Variants in USH2A observed in about 807,000 individuals in gnomAD.
The protein encoded by USH2A is usherin.
A neutral mutation model predicts 538.9 loss-of-function variants in USH2A; 443 were observed. The ratio of observed to expected loss-of-function variants is 0.82; its 90% CI spans 0.76 to 0.89. The LOEUF is 0.89. USH2A is among the 40% of genes least tolerant of loss of function. The pLI, the probability that USH2A is intolerant of heterozygous loss-of-function variation, is 0.00. For missense variants in USH2A, 6,633 were observed against 6,324.8 expected (o/e 1.05, Z -1.65); for synonymous variants, 2,413 against 2,273.5 (o/e 1.06, Z -1.75).
intron 38 of USH2A, among the ~76,000 whole-genome samples, chr1:215,908,869 C>A (rs1467431877): frequency 6.6e-6 from 1 of 151,424 alleles, no homozygotes; most frequent in South Asian, 2.1e-4. Context: ...TATTAGTTGA[C>A]TAATTGTTTT....
chr1:216,199,539 A>G (rs2034932870), intron 17 of USH2A, 88 bp downstream of exon 17: 6 of 1,590,710 alleles, frequency 3.8e-6, no homozygotes, highest in Non-Finnish European at 5.2e-6. Flanking sequence ...AAAAAGGAAT[A>G]CAACTGCCAA....
chr1:215,747,138 T>G (rs746473096), intron 58 of USH2A, among the ~76,000 whole-genome samples: 1 of 152,184 alleles, frequency 6.6e-6, no homozygotes, highest in African/African-American at 2.4e-5. Flanking sequence ...GTTCATACTG[T>G]AACCAAAGGA....
In USH2A at chr1:215,871,984, TA is replaced by T. The variant is rs143712899; in HGVS notation, c.8682-4815del. Among the ~76,000 whole-genome samples, 1,515 of 152,324 alleles carry T rather than the reference TA, an allele frequency of 9.9e-3. 22 individuals carry two copies. Among genetic ancestry groups the T allele is most frequent in the African/African-American group, 0.034 (1,400 of 41,554 alleles). On this transcript the variant is annotated intron_variant, in intron 43 of 71. Coordinates refer to ENST00000307340, the MANE Select transcript of USH2A (RefSeq NM_206933.4). ...TGCCTGGGGTTATTTTCATCAGAAT[TA>T]AAAATGTGTCAACTTTATTGATGTC...
intron 37 of USH2A, among the ~76,000 whole-genome samples, chr1:215,950,367 T>A (rs182412121): frequency 2.0e-4 from 30 of 152,310 alleles, no homozygotes; most frequent in African/African-American, 5.8e-4. Context: ...ATTCATGATA[T>A]AATGTTAAAT....
intron 14 of USH2A, among the ~76,000 whole-genome samples, chr1:216,223,382 G>A (rs2035496644): frequency 1.3e-5 from 2 of 152,104 alleles, no homozygotes; most frequent in East Asian, 3.9e-4. Context: ...AGCCATAGGA[G>A]ATTGCAAAAA....
At chr1:215,768,438 G>T (rs1661191247) in intron 55 of USH2A, among the ~76,000 whole-genome samples, 1 of 151,382 alleles carries the variant, frequency 6.6e-6, no homozygotes, top group Non-Finnish European at 1.5e-5. Context: ...TGCAGCTGGA[G>T]CTGCTCCAAG....
intron 61 of USH2A, among the ~76,000 whole-genome samples, chr1:215,704,425 A>G (rs887698083): frequency 6.6e-6 from 1 of 152,238 alleles, no homozygotes. Context: ...GCTTTCCAAC[A>G]TCACTTACCA....
At chr1:216,024,399 G>T (rs563246192) in intron 32 of USH2A, among the ~76,000 whole-genome samples, 197 of 152,102 alleles carry the variant, frequency 1.3e-3, no homozygotes, top group African/African-American at 4.5e-3. Flanking sequence ...ATTTTGTAAA[G>T]GAGAATGCAT....
chr1:215,832,854 C>T (rs1482474257), intron 47 of USH2A, among the ~76,000 whole-genome samples: 1 of 151,832 alleles, frequency 6.6e-6, no homozygotes, highest in Non-Finnish European at 1.5e-5. Flanking sequence ...TTAAGACTTA[C>T]AAGGAGTTTA....
In USH2A at chr1:216,083,468, A is replaced by T; in HGVS notation, c.5286T>A (p.Pro1762=). 6.2e-7 allele frequency: 1 copy of T among 1,611,658 alleles called. No individual in the cohort carries two copies. The highest frequency in any genetic ancestry group is 8.5e-7 in the Non-Finnish European group (1 of 1,179,006). The change falls in exon 26 of 72, where the codon CCT becomes CCA. Residue 1762 remains proline (P), a synonymous_variant. Transcript: ENST00000307340. ...LLLFVYNKDG[P]DFLAMELKSG... ...TTAATTCACATACAGCAAGAAAATC[A>T]GGTCCATCTTTGTTATAAACGAAAA... is the stretch of plus-strand genomic sequence containing the variant.
intron 70 of USH2A, among the ~76,000 whole-genome samples, chr1:215,632,036 T>C (rs888634091): frequency 6.6e-6 from 1 of 152,116 alleles, no homozygotes; most frequent in African/African-American, 2.4e-5. Context: ...AATCTTGCTG[T>C]GCATCAGACT....
chr1:215,861,138 T>C (rs12126127), intron 44 of USH2A, among the ~76,000 whole-genome samples: 14,416 of 152,208 alleles, frequency 0.095, 752 homozygotes, highest in East Asian at 0.19. Flanking sequence ...TCTCCTGTCT[T>C]GTCTCTAGTT....
intron 22 of USH2A, among the ~76,000 whole-genome samples, chr1:216,094,810 C>A (rs2032399947): frequency 6.6e-6 from 1 of 152,000 alleles, no homozygotes; most frequent in South Asian, 2.1e-4. Context: ...GTGTTTATAA[C>A]CTGGCTTGGT....
chr1:215,962,397 A>G (rs931318787), intron 37 of USH2A, among the ~76,000 whole-genome samples: 1 of 152,122 alleles, frequency 6.6e-6, no homozygotes, highest in Non-Finnish European at 1.5e-5. Flanking sequence ...AAAGATTAGA[A>G]ACAAATTAAA....
At chr1:216,233,210 T>TC (rs998459264) in intron 13 of USH2A, among the ~76,000 whole-genome samples, 4 of 151,998 alleles carry the variant, frequency 2.6e-5, no homozygotes, top group African/African-American at 9.7e-5. Flanking sequence ...TCATGGCTCA[T>TC]CCCCCCGCTC....
At chr1:216,261,416 T>A in intron 11 of USH2A, among the ~76,000 whole-genome samples, 4 of 140,286 alleles carry the variant, frequency 2.9e-5, no homozygotes. Context: ...GGAGTTTGAG[T>A]CCAGCCTAGA....
chr1:216,212,572 T>C (rs575354678), intron 15 of USH2A, among the ~76,000 whole-genome samples: 1 of 152,190 alleles, frequency 6.6e-6, no homozygotes, highest in South Asian at 2.1e-4. Context: ...TTGGTAGTTG[T>C]ATGATTATAG....
intron 4 of USH2A, among the ~76,000 whole-genome samples, chr1:216,349,405 T>C (rs1489834240): frequency 2.6e-5 from 4 of 152,250 alleles, no homozygotes; most frequent in Middle Eastern, 6.8e-3. Flanking sequence ...GGCTGAGGCC[T>C]ACTGGGCTGC....
At chr1:216,197,023 T>A (rs1370872276) in intron 18 of USH2A, among the ~76,000 whole-genome samples, 1 of 152,112 alleles carries the variant, frequency 6.6e-6, no homozygotes, top group South Asian at 2.1e-4. Context: ...AAATTATAAG[T>A]CTTACGAGTA....
Sources: allele counts gnomAD v4.1 joint callset (sites outside exome capture counted in the v4.1 genomes callset), GRCh38; gene constraint gnomAD v4.1.1; transcripts MANE v1.5; gene names NCBI Gene and HGNC (gene_info 2026-07-23, HGNC 2026-07-21).